MAGI1: variants seen among roughly 807,000 people sequenced by gnomAD.
MAGI1 encodes the protein membrane-associated guanylate kinase, WW and PDZ domain-containing protein 1.
Under a neutral mutation model 139.9 loss-of-function variants are expected in MAGI1, and 58 were observed. The ratio of observed to expected loss-of-function variants is 0.41; its 90% CI spans 0.34 to 0.52. The LOEUF (loss-of-function observed/expected upper bound fraction) is 0.52, where lower values mean the gene tolerates loss of function less well. Ranked by LOEUF, MAGI1 falls within the 20% of genes least tolerant of loss-of-function variation. The probability of loss-of-function intolerance (pLI) is 0.12; values close to 1 mark genes in which losing one functional copy is unlikely to be tolerated. For missense variants in MAGI1, 1,874 were observed against 1,901.6 expected, an observed-to-expected ratio of 0.99 and a Z score of 0.27; for synonymous variants, 812 against 737.9, an observed-to-expected ratio of 1.10 and a Z score of -1.63.
chr3:65,622,753 A>G (rs1350719034), intron 1 of MAGI1, among the ~76,000 whole-genome samples: 1 of 152,008 alleles, frequency 6.6e-6, no homozygotes, highest in East Asian at 1.9e-4. Context: ...TAGTAAAGAC[A>G]GGGCTTCAGA....
At chr3:65,370,289 A>C (rs1470606750) in intron 18 of MAGI1, among the ~76,000 whole-genome samples, 2 of 152,142 alleles carry the variant, frequency 1.3e-5, no homozygotes, top group Non-Finnish European at 2.9e-5. Context: ...ATTGAGCATC[A>C]CATATTCACC....
At chr3:65,386,269 G>A (rs1015438091) in intron 14 of MAGI1, among the ~76,000 whole-genome samples, 5 of 148,228 alleles carry the variant, frequency 3.4e-5, no homozygotes, top group African/African-American at 1.2e-4. Flanking sequence ...AAAAAGCTTC[G>A]TTTCCTTCTG....
chr3:65,627,728 G>A (rs575435446), intron 1 of MAGI1, among the ~76,000 whole-genome samples: 13 of 151,662 alleles, frequency 8.6e-5, no homozygotes, highest in African/African-American at 2.9e-4. Context: ...GGTTGGTCTC[G>A]ATCTCCTGAC....
At chr3:65,527,934 T>C (rs1318302071) in intron 2 of MAGI1, among the ~76,000 whole-genome samples, 1 of 151,692 alleles carries the variant, frequency 6.6e-6, no homozygotes, top group Non-Finnish European at 1.5e-5. Flanking sequence ...GTTAATTATA[T>C]TTAAGAGAGA....
intron 2 of MAGI1, among the ~76,000 whole-genome samples, chr3:65,509,454 T>A (rs1430160351): frequency 6.6e-6 from 1 of 152,056 alleles, no homozygotes; most frequent in South Asian, 2.1e-4. Context: ...GCGCGTACCG[T>A]GCGCAAGCCG....
intron 10 of MAGI1, among the ~76,000 whole-genome samples, chr3:65,434,029 T>G (rs4352324): frequency 1 from 151,685 of 152,248 alleles, 75,562 homozygotes; most frequent in Middle Eastern, 1. Flanking sequence ...CATGTAACCA[T>G]TGGCTTCCAT....
chr3:65,936,311 G>A (rs747916696), intron 1 of MAGI1, among the ~76,000 whole-genome samples: 1 of 152,104 alleles, frequency 6.6e-6, no homozygotes, highest in Non-Finnish European at 1.5e-5. Flanking sequence ...ATTCCTAAGC[G>A]TAACCCACAG....
At chr3:65,395,251 G>A (rs529054701) in intron 13 of MAGI1, among the ~76,000 whole-genome samples, 10 of 152,206 alleles carry the variant, frequency 6.6e-5, no homozygotes, top group African/African-American at 1.9e-4. Flanking sequence ...CATAGTGTGT[G>A]TAGATGAATA....
chr3:65,504,888 G>A (rs746578936), intron 2 of MAGI1, among the ~76,000 whole-genome samples: 2 of 152,120 alleles, frequency 1.3e-5, no homozygotes, highest in Non-Finnish European at 2.9e-5. Flanking sequence ...CAAACTCATG[G>A]AAACCTCGCA....
chr3:65,686,219 G>A (rs1339752550), intron 1 of MAGI1, among the ~76,000 whole-genome samples: 1 of 152,128 alleles, frequency 6.6e-6, no homozygotes. Context: ...CCATTCATTG[G>A]CCTTTGGATT....
At chr3:65,624,681 TG>T (rs750585573) in intron 1 of MAGI1, among the ~76,000 whole-genome samples, 43 of 152,304 alleles carry the variant, frequency 2.8e-4, no homozygotes, top group Non-Finnish European at 4.3e-4. Flanking sequence ...ATAAAATCTA[TG>T]GATCTATGGG....
At chr3:65,992,014 T>C (rs1194928756) in intron 1 of MAGI1, among the ~76,000 whole-genome samples, 1 of 150,272 alleles carries the variant, frequency 6.7e-6, no homozygotes. Flanking sequence ...GAACTCCATC[T>C]CAAAATAAAT....
intron 2 of MAGI1, among the ~76,000 whole-genome samples, chr3:65,494,615 G>A (rs542773275): frequency 4.9e-4 from 75 of 152,294 alleles, no homozygotes; most frequent in African/African-American, 1.7e-3. Flanking sequence ...TATTACCTGC[G>A]GTGGTGATTT....
chr3:65,940,128 A>T (rs2063238301), intron 1 of MAGI1, among the ~76,000 whole-genome samples: 1 of 152,130 alleles, frequency 6.6e-6, no homozygotes, highest in Non-Finnish European at 1.5e-5. Flanking sequence ...GAAAGCAGTG[A>T]AGCACTAGAA....
intron 1 of MAGI1, among the ~76,000 whole-genome samples, chr3:65,827,248 T>C (rs1453654676): frequency 6.6e-6 from 1 of 152,176 alleles, no homozygotes; most frequent in Non-Finnish European, 1.5e-5. Context: ...GCAACATTCA[T>C]GACCAAGAGC....
chr3:65,673,612 A>T (rs540095685), intron 1 of MAGI1, among the ~76,000 whole-genome samples: 1 of 152,228 alleles, frequency 6.6e-6, no homozygotes, highest in East Asian at 1.9e-4. Flanking sequence ...CAGTTTCGTT[A>T]TCTGTGAGGT....
chr3:65,755,952 A>C (rs1293011226), intron 1 of MAGI1, among the ~76,000 whole-genome samples: 2 of 152,198 alleles, frequency 1.3e-5, no homozygotes, highest in East Asian at 3.8e-4. Context: ...TTACATTTCA[A>C]ATTCATAGTC....
At chr3:65,394,347 G>A (rs1944212917) in intron 13 of MAGI1, among the ~76,000 whole-genome samples, 1 of 152,156 alleles carries the variant, frequency 6.6e-6, no homozygotes, top group South Asian at 2.1e-4. Context: ...CGGTCAAACT[G>A]CACCTCTGAG....
At chr3:65,860,512 C>A (rs951845162) in intron 1 of MAGI1, among the ~76,000 whole-genome samples, 1 of 152,178 alleles carries the variant, frequency 6.6e-6, no homozygotes, top group Admixed American at 6.5e-5. Flanking sequence ...CCCGCGCGTT[C>A]CCCTCCCTCC....
Sources: gnomAD v4.1 joint callset for allele counts (sites outside exome capture counted in the v4.1 genomes callset) on GRCh38, gnomAD v4.1.1 for gene constraint, MANE v1.5 for transcripts, NCBI Gene and HGNC (gene_info 2026-07-23, HGNC 2026-07-21) for gene names.